Variants in COX7B2 observed in about 807,000 individuals in gnomAD.
COX7B2 encodes the protein cytochrome c oxidase subunit 7B2, mitochondrial.
For synonymous variants in COX7B2, 37 were observed against 32.1 expected (o/e 1.15, Z -0.51); for missense variants, 109 against 95.9 (o/e 1.14, Z -0.57).
chr4:46,742,761 G>T (rs1403503906), intron 2 of COX7B2, among the ~76,000 whole-genome samples: 1 of 152,130 alleles, frequency 6.6e-6, no homozygotes, highest in Non-Finnish European at 1.5e-5. Flanking sequence ...CTGTGAGCTG[G>T]TGTCCTCAAA....
chr4:46,809,958 C>T (rs1719201344), intron 2 of COX7B2, among the ~76,000 whole-genome samples: 1 of 151,932 alleles, frequency 6.6e-6, no homozygotes, highest in Non-Finnish European at 1.5e-5. Context: ...ATGATTAGGT[C>T]ACCTTGATAA....
At chr4:46,784,098 C>T (rs1224536219) in intron 2 of COX7B2, among the ~76,000 whole-genome samples, 2 of 152,140 alleles carry the variant, frequency 1.3e-5, no homozygotes, top group Non-Finnish European at 2.9e-5. Context: ...TACGTCACAA[C>T]TCTGCTATAT....
At chr4:46,905,319 T>C (rs779085539) in intron 1 of COX7B2, among the ~76,000 whole-genome samples, 2 of 152,206 alleles carry the variant, frequency 1.3e-5, no homozygotes, top group Non-Finnish European at 2.9e-5. Context: ...TCAACACAAC[T>C]GTCCCCACAC....
At chr4:46,826,744 G>A (rs1355189126) in intron 2 of COX7B2, among the ~76,000 whole-genome samples, 2 of 152,066 alleles carry the variant, frequency 1.3e-5, no homozygotes, top group African/African-American at 4.8e-5. Context: ...CTTAACCTTA[G>A]CAATCTAAAG....
At chr4:46,741,965 C>T (rs1391019389) in intron 2 of COX7B2, among the ~76,000 whole-genome samples, 1 of 152,118 alleles carries the variant, frequency 6.6e-6, no homozygotes, top group East Asian at 1.9e-4. Context: ...CTCTAACACT[C>T]TGGGCTTTTC....
intron 2 of COX7B2, among the ~76,000 whole-genome samples, chr4:46,809,461 A>G (rs1719176394): frequency 6.6e-6 from 1 of 151,668 alleles, no homozygotes; most frequent in Admixed American, 6.6e-5. Flanking sequence ...AAGTTTTGGT[A>G]TGTTGTGTTC....
At chr4:46,765,430 G>A (rs1489037768) in intron 2 of COX7B2, among the ~76,000 whole-genome samples, 1 of 152,136 alleles carries the variant, frequency 6.6e-6, no homozygotes, top group African/African-American at 2.4e-5. Flanking sequence ...GTCAACACTG[G>A]TGAACTCTGA....
chr4:46,838,860 G>T (rs1261953334), intron 2 of COX7B2, among the ~76,000 whole-genome samples: 4 of 151,684 alleles, frequency 2.6e-5, no homozygotes, highest in Non-Finnish European at 5.9e-5. Context: ...TTTTATTCCA[G>T]ATTAATTTTA....
At chr4:46,770,336 T>C (rs1716804296) in intron 2 of COX7B2, among the ~76,000 whole-genome samples, 1 of 152,144 alleles carries the variant, frequency 6.6e-6, no homozygotes, top group Non-Finnish European at 1.5e-5. Context: ...TTGATAAAAC[T>C]ACTGAAGACA....
At chr4:46,866,865 A>G (rs1717698062) in intron 1 of COX7B2, among the ~76,000 whole-genome samples, 2 of 152,178 alleles carry the variant, frequency 1.3e-5, no homozygotes, top group Admixed American at 1.3e-4. Flanking sequence ...ATAACTCTGG[A>G]CAAGTTGAGT....
chr4:46,767,951 G>T (rs924159563), intron 2 of COX7B2, among the ~76,000 whole-genome samples: 1 of 152,250 alleles, frequency 6.6e-6, no homozygotes. Context: ...GCATGCAGGT[G>T]AGCATGTGCA....
chr4:46,802,383 G>T (rs921630601), intron 2 of COX7B2, among the ~76,000 whole-genome samples: 69 of 152,112 alleles, frequency 4.5e-4, no homozygotes, highest in African/African-American at 1.5e-3. Context: ...GATATGGCAA[G>T]AACTTGCTTA....
intron 2 of COX7B2, among the ~76,000 whole-genome samples, chr4:46,827,793 CT>C (rs1273321194): frequency 2.0e-5 from 3 of 152,070 alleles, no homozygotes; most frequent in African/African-American, 7.2e-5. Context: ...TTTTCCTTTT[CT>C]TTCAAAACAT....
intron 2 of COX7B2, among the ~76,000 whole-genome samples, chr4:46,804,883 T>TG (rs1560392326): frequency 1.3e-5 from 2 of 152,158 alleles, no homozygotes; most frequent in South Asian, 4.1e-4. Flanking sequence ...AGCAGGGGGC[T>TG]GTGCACGTCG....
intron 2 of COX7B2, among the ~76,000 whole-genome samples, chr4:46,802,006 T>C (rs1003391976): frequency 6.6e-6 from 1 of 151,912 alleles, no homozygotes; most frequent in South Asian, 2.1e-4. Flanking sequence ...CTAGACAGAG[T>C]AGACTATATG....
intron 2 of COX7B2, among the ~76,000 whole-genome samples, chr4:46,772,791 T>G (rs911340808): frequency 6.6e-6 from 1 of 152,148 alleles, no homozygotes; most frequent in Non-Finnish European, 1.5e-5. Flanking sequence ...AACTTACAGT[T>G]TTAAACAACA....
chr4:46,763,553 A>C lies in COX7B2; in HGVS notation c.-49-28312T>G, dbSNP rs191261010. Among the ~76,000 whole-genome samples, 11 of 152,180 alleles carry C rather than the reference A, an allele frequency of 7.2e-5. 1 individual carries two copies. In the East Asian group the frequency reaches 2.1e-3, roughly 29 times the overall value. On this transcript the variant is annotated intron_variant, in intron 2 of 2. Transcript: ENST00000355591. ...TTCTATTAAGTTCATGCACATGTTT[A>C]TAATTCAGCCAAATTTAGCCCTTTT...
chr4:46,828,008 G>A (rs138242468), intron 2 of COX7B2, among the ~76,000 whole-genome samples: 258 of 152,202 alleles, frequency 1.7e-3, no homozygotes, highest in African/African-American at 5.7e-3. Context: ...TGTTGTTTGC[G>A]GTGGAGGGCA....
chr4:46,779,452 G>T (rs961385454), intron 2 of COX7B2, among the ~76,000 whole-genome samples: 11 of 152,144 alleles, frequency 7.2e-5, no homozygotes, highest in African/African-American at 2.7e-4. Context: ...CCATACCTTG[G>T]CTACTGTGAA....
Sources: allele counts gnomAD v4.1 joint callset (sites outside exome capture counted in the v4.1 genomes callset), GRCh38; gene constraint gnomAD v4.1.1; transcripts MANE v1.5; gene names NCBI Gene and HGNC (gene_info 2026-07-23, HGNC 2026-07-21).